Variants in FRMD4A observed in about 807,000 individuals in gnomAD.
FRMD4A encodes the protein FERM domain-containing protein 4A.
Under a neutral mutation model 129.1 loss-of-function variants are expected in FRMD4A, and 29 were observed. The observed-to-expected ratio is 0.22, with a 90% CI of 0.17 to 0.31. FRMD4A has a LOEUF of 0.31. Among genes scored for constraint, FRMD4A ranks in the 10% least tolerant of loss-of-function variants. FRMD4A has a pLI of 1.00. For missense variants in FRMD4A, 1,272 were observed against 1,375.8 expected (o/e 0.92, Z 1.19); for synonymous variants, 634 against 571.6 (o/e 1.11, Z -1.56).
intron 2 of FRMD4A, among the ~76,000 whole-genome samples, chr10:13,970,891 C>T (rs1482391867): frequency 1.3e-5 from 2 of 152,314 alleles, no homozygotes; most frequent in South Asian, 2.1e-4. Context: ...AGAAGTGCCA[C>T]TCTCCCTCAG....
At chr10:13,962,783 A>T (rs553907627) in intron 2 of FRMD4A, among the ~76,000 whole-genome samples, 1 of 152,346 alleles carries the variant, frequency 6.6e-6, no homozygotes, top group South Asian at 2.1e-4. Flanking sequence ...AGATTAGCAT[A>T]TGGCGGGAGA....
chr10:13,705,966 G>T (rs543707553), intron 13 of FRMD4A, among the ~76,000 whole-genome samples: 7 of 152,254 alleles, frequency 4.6e-5, no homozygotes, highest in Admixed American at 4.6e-4. Flanking sequence ...TGGGCTGCAG[G>T]AACAGGGGCT....
At chr10:13,694,685 C>CA (rs978594618) in intron 14 of FRMD4A, among the ~76,000 whole-genome samples, 17 of 152,144 alleles carry the variant, frequency 1.1e-4, no homozygotes, top group South Asian at 1.0e-3. Flanking sequence ...CCCATCTATA[C>CA]AAAAAAATTA....
chr10:13,882,798 A>T, intron 2 of FRMD4A, among the ~76,000 whole-genome samples: 1 of 78,864 alleles, frequency 1.3e-5, no homozygotes, highest in Non-Finnish European at 2.3e-5. Context: ...CCACAGTATA[A>T]TTTTTTGGTT....
At chr10:13,719,901 A>T (rs2089257201) in intron 12 of FRMD4A, among the ~76,000 whole-genome samples, 1 of 152,186 alleles carries the variant, frequency 6.6e-6, no homozygotes, top group Non-Finnish European at 1.5e-5. Flanking sequence ...ACAAAAATAA[A>T]ATCAAAGGAG....
intron 9 of FRMD4A, 59 bp downstream of exon 9, chr10:13,747,677 C>T: frequency 1.1e-6 from 1 of 892,046 alleles, no homozygotes; most frequent in Non-Finnish European, 1.9e-6. Context: ...TTCAGTTGTC[C>T]TGTGTCCCCT....
chr10:14,108,986 C>T (rs1837728988), intron 2 of FRMD4A, among the ~76,000 whole-genome samples: 1 of 152,086 alleles, frequency 6.6e-6, no homozygotes, highest in Non-Finnish European at 1.5e-5. Context: ...GATAAGGTCA[C>T]CCATTTTTGT....
intron 6 of FRMD4A, among the ~76,000 whole-genome samples, chr10:13,776,386 T>C (rs962486191): frequency 6.6e-6 from 1 of 152,192 alleles, no homozygotes; most frequent in Admixed American, 6.5e-5. Context: ...GCTGGTATTA[T>C]AGGTGTGAAC....
chr10:14,227,455 T>G (rs759426905), intron 2 of FRMD4A, among the ~76,000 whole-genome samples: 4 of 151,910 alleles, frequency 2.6e-5, no homozygotes, highest in Admixed American at 6.6e-5. Context: ...TTTCGCCATG[T>G]TGGCTGGGCT....
At chr10:13,847,518 C>A in intron 3 of FRMD4A, among the ~76,000 whole-genome samples, 1 of 151,958 alleles carries the variant, frequency 6.6e-6, no homozygotes, top group Admixed American at 6.5e-5. Flanking sequence ...CTCCTTCCCT[C>A]CCTCCCTTCC....
intron 2 of FRMD4A, among the ~76,000 whole-genome samples, chr10:14,248,371 A>G (rs1205516023): frequency 6.6e-6 from 1 of 152,256 alleles, no homozygotes; most frequent in Admixed American, 6.5e-5. Context: ...TACTATCTAA[A>G]TAATACATTA....
chr10:13,898,048 C>T (rs1044754278), intron 2 of FRMD4A, among the ~76,000 whole-genome samples: 1 of 151,688 alleles, frequency 6.6e-6, no homozygotes, highest in Admixed American at 6.6e-5. Flanking sequence ...AGTCCTTTTG[C>T]CCCAAGCACC....
intron 2 of FRMD4A, among the ~76,000 whole-genome samples, chr10:14,327,673 G>A (rs1032134224): frequency 6.6e-6 from 1 of 152,154 alleles, no homozygotes; most frequent in African/African-American, 2.4e-5. Flanking sequence ...CAAAAGCAAG[G>A]GGTGTGGCCA....
chr10:14,033,766 C>T (rs1055545303), intron 2 of FRMD4A, among the ~76,000 whole-genome samples: 7 of 134,330 alleles, frequency 5.2e-5, no homozygotes, highest in East Asian at 4.3e-4. Context: ...GCCTGAGCAA[C>T]ATAGCAAAAC....
At chr10:13,893,469 GT>G (rs2094723573) in intron 2 of FRMD4A, among the ~76,000 whole-genome samples, 1 of 152,110 alleles carries the variant, frequency 6.6e-6, no homozygotes, top group East Asian at 1.9e-4. Flanking sequence ...GTCCTGATTT[GT>G]TTTGACTGCA....
intron 2 of FRMD4A, among the ~76,000 whole-genome samples, chr10:13,914,680 G>A (rs1881580): frequency 0.96 from 146,351 of 152,224 alleles, 70,510 homozygotes; most frequent in Non-Finnish European, 1. Flanking sequence ...AGCTACTTAC[G>A]TGTAGGAGGA....
At chr10:14,002,105 G>A (rs912141636) in intron 2 of FRMD4A, among the ~76,000 whole-genome samples, 10 of 152,288 alleles carry the variant, frequency 6.6e-5, no homozygotes, top group African/African-American at 1.4e-4. Flanking sequence ...GTACAAAAAC[G>A]TTTAATTTAT....
intron 2 of FRMD4A, among the ~76,000 whole-genome samples, chr10:14,314,677 A>G (rs1023206760): frequency 1.3e-5 from 2 of 152,156 alleles, no homozygotes; most frequent in African/African-American, 4.8e-5. Flanking sequence ...CATATTTTTC[A>G]TGTTGCAATC....
At position 13,814,604 on chromosome 10, in the gene FRMD4A, AAAAG is replaced by A. The variant is rs1165874355; in HGVS notation, c.112-3700_112-3697del. 3.4e-4 allele frequency among the ~76,000 whole-genome samples: 47 copies of A among 137,922 alleles called. 1 individual carries two copies. Among genetic ancestry groups the A allele is most frequent in the African/African-American group, 1.2e-3 (42 of 36,314 alleles). 90.5% of individuals were successfully genotyped at this position (137,922 alleles called of 152,430 possible). A position where few individuals can be genotyped will look rare whatever the true frequency, so the allele number is the denominator to read the frequency against. The stretch of plus-strand genomic sequence containing the variant: ...TCAAAAAAAAAAAAAAAAAAAAAAA[AAAAG>A]AAAGAAAGGGAAAGAGAGAGAGAAA... On this transcript the variant is annotated intron_variant, in intron 3 of 24. Coordinates refer to ENST00000357447, the MANE Select transcript of FRMD4A (RefSeq NM_018027.5).
Sources: gnomAD v4.1 joint callset for allele counts (sites outside exome capture counted in the v4.1 genomes callset) on GRCh38, gnomAD v4.1.1 for gene constraint, MANE v1.5 for transcripts, NCBI Gene and HGNC (gene_info 2026-07-23, HGNC 2026-07-21) for gene names.